The following SLC9B1 variants were observed in gnomAD, a reference collection of about 807,000 sequenced individuals.
SLC9B1 encodes the protein solute carrier family 9 member B1.
In SLC9B1, 32 loss-of-function variants were observed where a neutral mutation model predicts 51.7. The observed-to-expected ratio is 0.62, with a 90% confidence interval of 0.47 to 0.83. The LOEUF (loss-of-function observed/expected upper bound fraction) is 0.83, where lower values mean the gene tolerates loss of function less well. Ranked by LOEUF, SLC9B1 falls within the 40% of genes least tolerant of loss-of-function variation. The pLI, the probability that SLC9B1 is intolerant of heterozygous loss-of-function variation, is 0.00. For synonymous variants in SLC9B1, 145 were observed against 212.7 expected (o/e 0.68, Z 2.77); for missense variants, 406 against 613.2 (o/e 0.66, Z 3.57).
intron 3 of SLC9B1, among the ~76,000 whole-genome samples, chr4:102,970,665 A>G (rs1738709062): frequency 6.6e-6 from 1 of 152,228 alleles, no homozygotes; most frequent in African/African-American, 2.4e-5. Context: ...AATGGGCTAA[A>G]TGCCCCAATT....
chr4:102,923,785 A>G (rs1457333564), intron 7 of SLC9B1, among the ~76,000 whole-genome samples: 2 of 152,226 alleles, frequency 1.3e-5, no homozygotes, highest in African/African-American at 4.8e-5. Context: ...GAGCCAAATC[A>G]TGAGTGAACT....
chr4:102,938,486 A>G (rs1236900423), intron 6 of SLC9B1, among the ~76,000 whole-genome samples: 2 of 152,182 alleles, frequency 1.3e-5, no homozygotes, highest in East Asian at 3.8e-4. Context: ...ATGAACAAAG[A>G]TATTCAGGAC....
chr4:102,978,683 T>C (rs946313478), intron 3 of SLC9B1, among the ~76,000 whole-genome samples: 1 of 152,140 alleles, frequency 6.6e-6, no homozygotes, highest in Non-Finnish European at 1.5e-5. Context: ...GGAGAGGATG[T>C]GGAGAAATAG....
intron 3 of SLC9B1, among the ~76,000 whole-genome samples, chr4:102,971,992 T>C (rs1738787524): frequency 6.6e-6 from 1 of 151,926 alleles, no homozygotes; most frequent in African/African-American, 2.4e-5. Flanking sequence ...ATTGAGGCAA[T>C]AATTAATTAG....
chr4:102,941,403 T>C (rs1280483828), intron 6 of SLC9B1: 1 of 449,712 alleles, frequency 2.2e-6, no homozygotes, highest in African/African-American at 2.0e-5. Context: ...ATATTCAACA[T>C]CACTAACATT....
chr4:102,945,438 C>A (rs1413044723), intron 5 of SLC9B1, 118 bp from the exon 6 acceptor site: 2 of 1,095,434 alleles, frequency 1.8e-6, no homozygotes, highest in East Asian at 2.7e-5. Flanking sequence ...AACGAAATCT[C>A]ATTTCAACAG....
chr4:102,932,003 A>G, intron 7 of SLC9B1, 121 bp downstream of exon 7: 1 of 914,678 alleles, frequency 1.1e-6, no homozygotes, highest in Non-Finnish European at 1.7e-6. Flanking sequence ...ATGGAGATTA[A>G]AAAGATGTTA....
intron 7 of SLC9B1, among the ~76,000 whole-genome samples, chr4:102,921,975 C>T (rs750875717): frequency 6.6e-5 from 10 of 152,126 alleles, no homozygotes; most frequent in Non-Finnish European, 7.3e-5. Context: ...GAATTTCACA[C>T]CCCACTGTCA....
At chr4:102,910,365 AG>A (rs1735279785) in intron 9 of SLC9B1, 73 bp downstream of exon 9, 1 of 1,323,130 alleles carries the variant, frequency 7.6e-7, no homozygotes, top group African/African-American at 1.6e-5. Flanking sequence ...AACCAGAATG[AG>A]GGGATTTCCT....
At chr4:102,888,519 G>A (rs1186075644) in intron 11 of SLC9B1, 1 of 152,254 alleles carries the variant, frequency 6.6e-6, no homozygotes, top group Non-Finnish European at 1.5e-5. Flanking sequence ...CCGTGTGTAA[G>A]GGTCAACTGT....
At chr4:103,004,177 A>T (rs1371162152) in intron 1 of SLC9B1, among the ~76,000 whole-genome samples, 1 of 152,198 alleles carries the variant, frequency 6.6e-6, no homozygotes, top group Non-Finnish European at 1.5e-5. Context: ...CAATGCAAGG[A>T]TTCTAAGGAA....
intron 7 of SLC9B1, among the ~76,000 whole-genome samples, chr4:102,925,358 A>G (rs752067333): frequency 2.6e-5 from 4 of 152,170 alleles, no homozygotes; most frequent in Non-Finnish European, 4.4e-5. Flanking sequence ...GAACAATGAG[A>G]ACACTTGGAC....
chr4:102,965,737 T>C (rs1465351046), intron 3 of SLC9B1, among the ~76,000 whole-genome samples: 3 of 151,676 alleles, frequency 2.0e-5, no homozygotes, highest in African/African-American at 7.3e-5. Context: ...CAAAGTCTCA[T>C]ATAAGACTCA....
chr4:102,950,397 T>A (rs1334902691), intron 3 of SLC9B1, among the ~76,000 whole-genome samples: 1 of 152,218 alleles, frequency 6.6e-6, no homozygotes, highest in Non-Finnish European at 1.5e-5. Flanking sequence ...TGCTACTCAC[T>A]GAGGAATCCA....
chr4:103,016,364 T>C (rs376428158), intron 1 of SLC9B1, among the ~76,000 whole-genome samples: 5 of 152,058 alleles, frequency 3.3e-5, no homozygotes, highest in Non-Finnish European at 7.4e-5. Context: ...TCTTTGACCA[T>C]ACATATTTCT....
intron 11 of SLC9B1, chr4:102,888,404 C>T (rs973989607): frequency 5.9e-5 from 9 of 152,132 alleles, no homozygotes; most frequent in African/African-American, 1.7e-4. Flanking sequence ...GTTGACCCTC[C>T]GTACACATGA....
intron 7 of SLC9B1, among the ~76,000 whole-genome samples, chr4:102,926,784 A>G (rs935625261): frequency 4.6e-5 from 7 of 152,242 alleles, no homozygotes; most frequent in Non-Finnish European, 8.8e-5. Context: ...AAGAGCCTGC[A>G]TTGCCAAGAC....
intron 1 of SLC9B1, among the ~76,000 whole-genome samples, chr4:103,001,854 G>T (rs1190604661): frequency 6.6e-6 from 1 of 152,144 alleles, no homozygotes; most frequent in Non-Finnish European, 1.5e-5. Flanking sequence ...ATAAAGAACT[G>T]CCCAACATTA....
chr4:102,991,831 C>T, intron 1 of SLC9B1, 119 bp from the exon 2 acceptor site: 1 of 616,728 alleles, frequency 1.6e-6, no homozygotes. Flanking sequence ...AGTTGTATCA[C>T]AGTCAAGTCA....
Sources: allele counts gnomAD v4.1 joint callset (sites outside exome capture counted in the v4.1 genomes callset), GRCh38; gene constraint gnomAD v4.1.1; transcripts MANE v1.5; gene names NCBI Gene and HGNC (gene_info 2026-07-23, HGNC 2026-07-21).